Variants in LAMA2 observed in about 807,000 individuals in gnomAD.
LAMA2 encodes laminin subunit alpha 2, also known as laminin subunit alpha-2.
Under a neutral mutation model 364.8 loss-of-function variants are expected in LAMA2, and 269 were observed. That is an observed-to-expected ratio of 0.74 (90% CI 0.67 to 0.82). The LOEUF is 0.82. Ranked by LOEUF, LAMA2 falls within the 40% of genes least tolerant of loss-of-function variation. The pLI, the probability that LAMA2 is intolerant of heterozygous loss-of-function variation, is 0.00. For missense variants in LAMA2, 3,807 were observed against 3,873.2 expected (o/e 0.98, Z 0.45); for synonymous variants, 1,379 against 1,370.6 (o/e 1.01, Z -0.14).
intron 1 of LAMA2, among the ~76,000 whole-genome samples, chr6:129,037,693 T>C (rs1229946875): frequency 1.4e-5 from 2 of 146,064 alleles, no homozygotes; most frequent in African/African-American, 5.1e-5. Flanking sequence ...TGAGACGGAG[T>C]CTCGCTCTGT....
intron 1 of LAMA2, among the ~76,000 whole-genome samples, chr6:128,893,976 A>G (rs1450093863): frequency 1.3e-5 from 2 of 152,088 alleles, no homozygotes; most frequent in African/African-American, 4.8e-5. Context: ...GTTTAAGCAT[A>G]TTAAGAAATA....
chr6:129,381,244 A>G (rs9492318), intron 34 of LAMA2, among the ~76,000 whole-genome samples: 3,434 of 152,326 alleles, frequency 0.023, 128 homozygotes, highest in African/African-American at 0.079. Flanking sequence ...TATGGTGTTC[A>G]GTAATATGTG....
At chr6:129,223,469 G>GT (rs1268624887) in intron 12 of LAMA2, among the ~76,000 whole-genome samples, 2 of 152,106 alleles carry the variant, frequency 1.3e-5, no homozygotes, top group East Asian at 3.8e-4. Context: ...GGTTTTTATG[G>GT]TTTTATGTCT....
chr6:129,278,955 T>A (rs1201558969), intron 17 of LAMA2, among the ~76,000 whole-genome samples: 1 of 152,128 alleles, frequency 6.6e-6, no homozygotes, highest in African/African-American at 2.4e-5. Context: ...GCACCAAAGT[T>A]AAGAAAGTAT....
chr6:129,088,051 C>G (rs7450859), intron 3 of LAMA2, among the ~76,000 whole-genome samples: 3,542 of 38,676 alleles, frequency 0.092, 295 homozygotes, highest in East Asian at 0.16. Flanking sequence ...GGCCTTCCGC[C>G]GTGTTTGTGT....
At chr6:129,339,457 A>G (rs1776136014) in intron 29 of LAMA2, among the ~76,000 whole-genome samples, 1 of 152,260 alleles carries the variant, frequency 6.6e-6, no homozygotes, top group Non-Finnish European at 1.5e-5. Context: ...AGAAGCAATT[A>G]GAAGCAGAAG....
chr6:129,497,640 T>G (rs551655368), intron 58 of LAMA2, among the ~76,000 whole-genome samples: 189 of 152,030 alleles, frequency 1.2e-3, no homozygotes, highest in Non-Finnish European at 2.3e-3. Flanking sequence ...GCTAGCACAG[T>G]TGACAGAAAA....
intron 60 of LAMA2, among the ~76,000 whole-genome samples, chr6:129,503,799 G>T (rs1217575290): frequency 6.6e-6 from 1 of 152,164 alleles, no homozygotes; most frequent in Non-Finnish European, 1.5e-5. Flanking sequence ...AGGAATCCAG[G>T]AATCTCTGGT....
chr6:129,404,751 C>A (rs1453492915), intron 40 of LAMA2, among the ~76,000 whole-genome samples: 1 of 152,062 alleles, frequency 6.6e-6, no homozygotes, highest in Non-Finnish European at 1.5e-5. Context: ...GGGGAGAAAT[C>A]TGATTGGACA....
chr6:128,898,199 C>T (rs112189918), intron 1 of LAMA2, among the ~76,000 whole-genome samples: 1 of 152,106 alleles, frequency 6.6e-6, no homozygotes, highest in Non-Finnish European at 1.5e-5. Context: ...GGCTTGTTGG[C>T]CACAGTTTTA....
At chr6:129,304,299 C>G (rs1413934831) in intron 22 of LAMA2, among the ~76,000 whole-genome samples, 1 of 152,126 alleles carries the variant, frequency 6.6e-6, no homozygotes, top group African/African-American at 2.4e-5. Flanking sequence ...GAGTCTTGCT[C>G]TGACCCCCAG....
intron 22 of LAMA2, among the ~76,000 whole-genome samples, chr6:129,311,051 A>G (rs950855937): frequency 2.6e-5 from 4 of 152,076 alleles, no homozygotes; most frequent in Non-Finnish European, 4.4e-5. Context: ...TGCCCTCCCA[A>G]CTAAAGGCAC....
rs866449854 is a variant in LAMA2 at position 129,401,265 on chromosome 6, G to C, written c.5487G>C (p.Glu1829Asp). 1 of 1,612,656 alleles carries C rather than the reference G, an allele frequency of 6.2e-7. No individual in the cohort carries two copies. Among genetic ancestry groups the C allele is most frequent in the African/African-American group, 1.3e-5 (1 of 74,978 alleles). ...EAVESGKRQI[E>D]NTLKEGNDIL... ...TTGAAAGCGGCAAACGACAAATTGA[G>C]AACACTTTAAAAGAGGGCAATGACA... The change falls in exon 38 of 65, where the codon GAG becomes GAC. Residue 1829 changes from glutamate to aspartate, a missense_variant. By Grantham distance (45) the Glu-to-Asp change is conservative. Coordinates refer to ENST00000421865, the MANE Select transcript of LAMA2 (RefSeq NM_000426.4).
At position 129,312,889 on chromosome 6, in the gene LAMA2, T is replaced by C. The variant is rs752736343; in HGVS notation, c.3203T>C (p.Leu1068Ser). The C allele has an allele frequency of 8.2e-5, 132 of 1,614,000 alleles. 2 individuals carry two copies. In the South Asian group the frequency reaches 1.4e-3, roughly 17 times the overall value. The change falls in exon 23 of 65, where the codon TTG becomes TCG. Residue 1068 changes from leucine to serine, a missense_variant. By Grantham distance (145) the Leu-to-Ser change is moderately radical (BLOSUM62 -2). Coordinates refer to ENST00000421865, the MANE Select transcript of LAMA2 (RefSeq NM_000426.4). ...KACNCSTVGS[L>S]DFQCNVNTGQ... ...TGTAACTGCAGCACAGTGGGATCCT[T>C]GGATTTCCAATGCAATGTAAATACA...
At chr6:129,401,814 C>G (rs1054097286) in intron 38 of LAMA2, among the ~76,000 whole-genome samples, 1 of 149,344 alleles carries the variant, frequency 6.7e-6, no homozygotes, top group African/African-American at 2.5e-5. Flanking sequence ...TTTTCTTGGT[C>G]TAAGTTGGTT....
At chr6:128,979,373 T>C (rs1418502483) in intron 1 of LAMA2, among the ~76,000 whole-genome samples, 2 of 152,022 alleles carry the variant, frequency 1.3e-5, no homozygotes, top group African/African-American at 2.4e-5. Flanking sequence ...CAAGCATCAG[T>C]GTACTTTAGA....
At chr6:129,325,544 TA>T (rs1357688757) in intron 28 of LAMA2, among the ~76,000 whole-genome samples, 5 of 150,862 alleles carry the variant, frequency 3.3e-5, no homozygotes, top group Non-Finnish European at 7.4e-5. Context: ...TTTTTTTTTT[TA>T]AAAAAAACAG....
chr6:129,099,953 GA>G (rs1775425917), intron 4 of LAMA2, among the ~76,000 whole-genome samples: 1 of 152,178 alleles, frequency 6.6e-6, no homozygotes, highest in South Asian at 2.1e-4. Context: ...AGGGAGTGCA[GA>G]AAGAGTTTTG....
At position 129,288,043 on chromosome 6, in the gene LAMA2, G is replaced by A. The variant is rs779703997; in HGVS notation, c.2734G>A (p.Ala912Thr). ...ADGYFGDAVD[A>T]KNCQPCRCNA... ...TGGATATTTTGGAGATGCAGTTGAT[G>A]CGAAGAACTGTCAGCGTAAGTCCTG... Residue 912 changes from alanine (A) to threonine (T), a missense_variant, in exon 19 of 65, where the codon GCG becomes ACG. By Grantham distance (58) the Ala-to-Thr change is moderately conservative. Around this residue, in one of 3 missense-constraint regions of LAMA2, gnomAD observed 3,333 missense variants for 3,345.7 expected, o/e 1.00. Transcript: ENST00000421865. 10 of 1,613,858 alleles carry A rather than the reference G, an allele frequency of 6.2e-6. No homozygotes were observed. The highest frequency in any genetic ancestry group is 8.5e-7 in the Non-Finnish European group (1 of 1,179,828).
Sources: gnomAD v4.1 joint callset for allele counts (sites outside exome capture counted in the v4.1 genomes callset) on GRCh38, gnomAD v4.1.1 for gene constraint, gnomAD v4.1.1 regional missense constraint, MANE v1.5 for transcripts, NCBI Gene and HGNC (gene_info 2026-07-23, HGNC 2026-07-21) for gene names.